The following NBPF26 variants were observed in gnomAD, a reference collection of about 807,000 sequenced individuals.
The protein encoded by NBPF26 is NBPF family member NBPF26.
A neutral mutation model predicts 119.6 loss-of-function variants in NBPF26; 79 were observed. The observed-to-expected ratio is 0.66, with a 90% confidence interval of 0.55 to 0.80. The LOEUF (loss-of-function observed/expected upper bound fraction) is 0.80. Among genes scored for constraint, NBPF26 ranks in the 30% least tolerant of loss-of-function variants. The probability of loss-of-function intolerance (pLI) is 0.00; values close to 1 mark genes in which losing one functional copy is unlikely to be tolerated. For missense variants in NBPF26, 800 were observed against 1,198.2 expected (o/e 0.67, Z 4.91); for synonymous variants, 299 against 457.7 (o/e 0.65, Z 4.43).
At chr1:120,805,834 T>G in intron 5 of NBPF26, 69 bp downstream of exon 5, 1 of 1,163,818 alleles carries the variant, frequency 8.6e-7, no homozygotes, top group South Asian at 1.3e-5. Context: ...AGACACTAAA[T>G]GCTCTCTCCA....
intron 7 of NBPF26, among the ~76,000 whole-genome samples, chr1:120,809,067 C>T (rs1410082294): frequency 0.014 from 1,223 of 90,004 alleles, no homozygotes; most frequent in Middle Eastern, 0.03. Context: ...GTGAAAAGAG[C>T]TCTGGGCTAA....
chr1:120,819,134 A>T lies in NBPF26; in HGVS notation c.2423+960A>T, dbSNP rs1455716006. On this transcript the variant is annotated intron_variant, in intron 15 of 29. Transcript: ENST00000620612. The stretch of plus-strand genomic sequence containing the variant: ...GTCTAAATCTCTTTGTAGGTCTCTC[A>T]GGACTTGCTTTATGAATCTGGGTGC... Among the ~76,000 whole-genome samples, 14 of 125,018 alleles carry T rather than the reference A, an allele frequency of 1.1e-4. 2 individuals carry two copies. The highest frequency in any genetic ancestry group is 2.3e-4 in the Non-Finnish European group (14 of 61,258). The allele number at this position is 125,018 out of a possible 152,430, so 82.0% of individuals were successfully genotyped here.
At position 120,811,095 on chromosome 1, in the gene NBPF26, AAAATT is replaced by A. The variant is rs1323170529; in HGVS notation, c.1564+539_1564+543del. 2.8e-5 allele frequency among the ~76,000 whole-genome samples: 3 copies of A among 105,272 alleles called. 1 individual carries two copies. The highest frequency in any genetic ancestry group is 1.2e-4 in the African/African-American group (2 of 16,996). The allele number at this position is 105,272 out of a possible 152,430, so 69.1% of individuals were successfully genotyped here. On this transcript the variant is annotated intron_variant, in intron 9 of 29. Coordinates refer to ENST00000620612, the Ensembl canonical transcript of NBPF26. ...CTTTACTAAAAATACAAAAAAAAAAAAAATTAGCTGGGTGTGGTGGTGGGTGCCTG... is the reference window on the plus strand; with the variant it reads ...CTTTACTAAAAATACAAAAAAAAAAAAGCTGGGTGTGGTGGTGGGTGCCTG...
rs1365117588 is a variant in NBPF26 at position 120,724,717 on chromosome 1, G to A, written c.73+467G>A. Among the ~76,000 whole-genome samples, 12 of 123,904 alleles carry A rather than the reference G, an allele frequency of 9.7e-5. 4 individuals are homozygous for A. The highest frequency in any genetic ancestry group is 4.8e-4 in the African/African-American group (12 of 25,244). The allele number at this position is 123,904 out of a possible 152,430, so 81.3% of individuals were successfully genotyped here. On this transcript the variant is annotated intron_variant, in intron 1 of 29. Coordinates refer to ENST00000620612, the Ensembl canonical transcript of NBPF26. ...GGCCTGCAGCTTCGCAGCCAGCCTC[G>A]CCTTTGCCAGGGGGCGGCACATGGG...
chr1:120,823,558 C>G lies in NBPF26; in HGVS notation c.2639+198C>G, dbSNP rs1207320824. Among the ~76,000 whole-genome samples, 5 of 115,884 alleles carry G rather than the reference C, an allele frequency of 4.3e-5. No individual in the cohort carries two copies. The East Asian group carries it at 8.4e-4, about 19-fold the overall frequency. 76.0% of individuals were successfully genotyped at this position (115,884 alleles called of 152,430 possible). A position where few individuals can be genotyped will look rare whatever the true frequency, so the allele number is the denominator to read the frequency against. ...CTTCCTACCCTTATCATTTACTAACCTAGTGAAAGTTGACCATACCTCAAA... is the reference window on the plus strand; with the variant it reads ...CTTCCTACCCTTATCATTTACTAACGTAGTGAAAGTTGACCATACCTCAAA... On this transcript the variant is annotated intron_variant, in intron 17 of 29. Transcript: ENST00000620612.
intron 16 of NBPF26, among the ~76,000 whole-genome samples, chr1:120,822,949 C>T (rs1652151879): frequency 7.9e-6 from 1 of 125,886 alleles, no homozygotes; most frequent in Non-Finnish European, 1.6e-5. Flanking sequence ...CATAAACTAT[C>T]AAATTCTGGG....
intron 2 of NBPF26, 92 bp downstream of exon 2, chr1:120,763,801 G>A: frequency 3.4e-6 from 2 of 589,324 alleles, no homozygotes; most frequent in Non-Finnish European, 6.1e-6. Flanking sequence ...TCTGTGGAAT[G>A]TTACTGGTTC....
rs1409366590 is a variant in NBPF26 at position 120,811,739 on chromosome 1, A to G, written c.1565-147A>G. On this transcript the variant is annotated intron_variant, in intron 9 of 29. Transcript: ENST00000620612. ...GCTAAGACAAGTTGACTTAAAGGAG[A>G]TCAAGACTGGAGATGACAAGAGTGA... 3.4e-5 allele frequency: 19 copies of G among 556,356 alleles called. 5 individuals carry two copies. Among genetic ancestry groups the G allele is most frequent in the Non-Finnish European group, 5.1e-5 (16 of 316,420 alleles). 34.5% of individuals were successfully genotyped at this position (556,356 alleles called of 1,614,324 possible).
At position 120,785,001 on chromosome 1, in the gene NBPF26, T is replaced by A; in HGVS notation, c.183T>A (p.Tyr61Ter). The change falls in exon 3 of 30, where the codon TAT becomes TAA. Residue 61 changes from tyrosine to a stop codon, truncating the protein, a stop_gained. Coordinates refer to ENST00000620612, the Ensembl canonical transcript of NBPF26. LOFTEE classifies it high-confidence loss of function. Reference sequence around the variant, plus strand: ...GTCCAGAAGGCTTCTTGGGGGAATATTGTCAACATCGAGACCCCTGTGAGA... The same window carrying A: ...GTCCAGAAGGCTTCTTGGGGGAATAATGTCAACATCGAGACCCCTGTGAGA... The A allele has an allele frequency of 7.0e-7, 1 of 1,423,014 alleles. No homozygotes were observed. Among genetic ancestry groups the A allele is most frequent in the East Asian group, 2.3e-5 (1 of 42,704 alleles). The allele number at this position is 1,423,014 out of a possible 1,614,324, so 88.1% of individuals were successfully genotyped here.
chr1:120,819,188 A>G lies in NBPF26; in HGVS notation c.2423+1014A>G, dbSNP rs1557991152. 1.6e-5 allele frequency among the ~76,000 whole-genome samples: 2 copies of G among 123,980 alleles called. 1 individual carries two copies. Among genetic ancestry groups the G allele is most frequent in the Non-Finnish European group, 3.3e-5 (2 of 61,052 alleles). 81.3% of individuals were successfully genotyped at this position (123,980 alleles called of 152,430 possible). On this transcript the variant is annotated intron_variant, in intron 15 of 29. Transcript: ENST00000620612. ...TGTTTAGGGTGCATATATATTTAGG[A>G]TAGTTAACTCTTCTTGTTGAATTGA... is the stretch of plus-strand genomic sequence containing the variant.
At position 120,810,967 on chromosome 1, in the gene NBPF26, G is replaced by A. The variant is rs1240509028; in HGVS notation, c.1564+409G>A. Among the ~76,000 whole-genome samples, 158 of 106,518 alleles carry A rather than the reference G, an allele frequency of 1.5e-3. 25 individuals carry two copies. Among genetic ancestry groups the A allele is most frequent in the Middle Eastern group, 4.0e-3 (1 of 250 alleles). The allele number at this position is 106,518 out of a possible 152,430, so 69.9% of individuals were successfully genotyped here. ...AGCTATTAATAAGTCTCGGCTGGGC[G>A]CAGTGGGTCACACCTGTAATCCGAG... On this transcript the variant is annotated intron_variant, in intron 9 of 29. Coordinates refer to ENST00000620612, the Ensembl canonical transcript of NBPF26.
intron 9 of NBPF26, among the ~76,000 whole-genome samples, chr1:120,810,814 C>T: frequency 9.1e-6 from 1 of 110,272 alleles, no homozygotes; most frequent in African/African-American, 5.4e-5. Context: ...ATTAGGCAGG[C>T]ATGGTGCTGC....
rs1557994087 is a variant in NBPF26 at position 120,840,486 on chromosome 1, G to A, written c.4240G>A (p.Glu1414Lys). The change falls in exon 30 of 30, where the codon GAG becomes AAG. Residue 1414 changes from glutamate to lysine, a missense_variant. This residue lies in a region of NBPF26 where 155 missense variants were observed against 95.9 expected (regional missense o/e 1.62). Transcript: ENST00000620612. Reference sequence around the variant, plus strand: ...CTACAGAAGTGTGTTTTACTCATTTGAGGAAGAGCATATCAGCTTCGCCCT... The same window carrying A: ...CTACAGAAGTGTGTTTTACTCATTTAAGGAAGAGCATATCAGCTTCGCCCT... The A allele has an allele frequency of 3.2e-5, 48 of 1,479,880 alleles. 7 individuals are homozygous for A. The highest frequency in any genetic ancestry group is 2.5e-5 in the Non-Finnish European group (27 of 1,093,072). 91.7% of individuals were successfully genotyped at this position (1,479,880 alleles called of 1,614,324 possible).
At chr1:120,824,084 C>G in exon 18 of NBPF26, 2 of 474,794 alleles carry the variant, frequency 4.2e-6, no homozygotes, top group Non-Finnish European at 7.1e-6. Flanking sequence ...TCATGCCAGC[C>G]CTACAGAAGT....
At position 120,727,982 on chromosome 1, in the gene NBPF26, G is replaced by C. The variant is rs1267001963; in HGVS notation, c.73+3732G>C. Among the ~76,000 whole-genome samples the C allele has an allele frequency of 1.7e-3, 205 of 119,172 alleles. 38 individuals are homozygous for C. Among genetic ancestry groups the C allele is most frequent in the Middle Eastern group, 3.8e-3 (1 of 266 alleles). The allele number at this position is 119,172 out of a possible 152,430, so 78.2% of individuals were successfully genotyped here. On this transcript the variant is annotated intron_variant, in intron 1 of 29. Coordinates refer to ENST00000620612, the Ensembl canonical transcript of NBPF26. ...GACCTTGTAGGAGAGCCACTGTTTC[G>C]GTCCTCCATTTTCTGATGTTCATTG...
Position 120,823,605 on chromosome 1 carries a change from G to T in NBPF26, c.2639+245G>T, listed in dbSNP as rs1474232508. 9.6e-4 allele frequency among the ~76,000 whole-genome samples: 119 copies of T among 123,902 alleles called. 21 individuals carry two copies. The highest frequency in any genetic ancestry group is 1.6e-3 in the Non-Finnish European group (98 of 61,078). The allele number at this position is 123,902 out of a possible 152,430, so 81.3% of individuals were successfully genotyped here. Reference sequence around the variant, plus strand: ...CAAAAGCTGTATTCTCATGGTAACTGCAGGGAAACTTGACCACATTTTACG... The same window carrying T: ...CAAAAGCTGTATTCTCATGGTAACTTCAGGGAAACTTGACCACATTTTACG... On this transcript the variant is annotated intron_variant, in intron 17 of 29. Coordinates refer to ENST00000620612, the Ensembl canonical transcript of NBPF26.
At chr1:120,759,000 T>G in intron 1 of NBPF26, among the ~76,000 whole-genome samples, 1 of 111,896 alleles carries the variant, frequency 8.9e-6, no homozygotes, top group Non-Finnish European at 1.7e-5. Flanking sequence ...TGTCCTAAAT[T>G]ATTTTATTAA....
chr1:120,840,648 G>C (rs1553273615), downstream of NBPF26: 236 of 1,446,050 alleles, frequency 1.6e-4, 27 homozygotes, highest in East Asian at 4.0e-3. Context: ...CTATAGGCAC[G>C]TGAAGATTTG....
intron 29 of NBPF26, 76 bp from the exon 36 acceptor site, chr1:120,840,274 T>A: frequency 6.9e-7 from 1 of 1,442,748 alleles, no homozygotes; most frequent in Non-Finnish European, 9.2e-7. Flanking sequence ...TTCCTTATGT[T>A]ACTTCTGAAA....
Sources: allele counts gnomAD v4.1 joint callset (sites outside exome capture counted in the v4.1 genomes callset), GRCh38; gene constraint gnomAD v4.1.1; regional missense constraint gnomAD v4.1.1; transcripts MANE v1.5; gene names NCBI Gene and HGNC (gene_info 2026-07-23, HGNC 2026-07-21).